The following GRM5 variants were observed in gnomAD, a reference collection of about 807,000 sequenced individuals.
The protein encoded by GRM5 is glutamate metabotropic receptor 5, also known as metabotropic glutamate receptor 5.
A neutral mutation model predicts 83.1 loss-of-function variants in GRM5; 19 were observed. The observed-to-expected ratio is 0.23, with a 90% CI of 0.16 to 0.34. The LOEUF is 0.34. GRM5 is among the 10% of genes least tolerant of loss of function. GRM5 has a pLI of 1.00. For synonymous variants in GRM5, 675 were observed against 633.6 expected (o/e 1.07, Z -0.98); for missense variants, 1,160 against 1,588.3 (o/e 0.73, Z 4.58).
chr11:88,841,430 T>G (rs1944199579), intron 3 of GRM5, among the ~76,000 whole-genome samples: 1 of 152,168 alleles, frequency 6.6e-6, no homozygotes, highest in African/African-American at 2.4e-5. Flanking sequence ...CTTTAATGAC[T>G]TTGCTTTTTC....
chr11:88,702,087 C>T (rs1241358693), intron 3 of GRM5, among the ~76,000 whole-genome samples: 5 of 152,028 alleles, frequency 3.3e-5, no homozygotes, highest in African/African-American at 1.2e-4. Flanking sequence ...AGGTTGTCTG[C>T]TGTCCCGTTA....
At chr11:88,770,394 C>T (rs1942709906) in intron 3 of GRM5, among the ~76,000 whole-genome samples, 1 of 151,974 alleles carries the variant, frequency 6.6e-6, no homozygotes, top group African/African-American at 2.4e-5. Context: ...ATATACTACA[C>T]TAATGTAATG....
chr11:88,548,824 G>A (rs1256813800), intron 8 of GRM5, among the ~76,000 whole-genome samples: 1 of 152,168 alleles, frequency 6.6e-6, no homozygotes, highest in Non-Finnish European at 1.5e-5. Context: ...TAAGGGAGGA[G>A]CTAAGACTTC....
chr11:88,947,506 T>G (rs1938318396), intron 2 of GRM5, among the ~76,000 whole-genome samples: 1 of 152,060 alleles, frequency 6.6e-6, no homozygotes, highest in South Asian at 2.1e-4. Context: ...AAACGTGTTC[T>G]TTTTACCATT....
At chr11:88,676,472 T>C (rs1940332924) in intron 3 of GRM5, among the ~76,000 whole-genome samples, 2 of 152,070 alleles carry the variant, frequency 1.3e-5, no homozygotes, top group South Asian at 4.1e-4. Flanking sequence ...AATATATTTA[T>C]ATTCCAGTGC....
chr11:88,581,429 G>A (rs1252494300), intron 7 of GRM5, among the ~76,000 whole-genome samples: 1 of 152,202 alleles, frequency 6.6e-6, no homozygotes, highest in Admixed American at 6.5e-5. Context: ...ATGAGTCACT[G>A]GTGGAGTGTG....
chr11:88,978,474 T>TA (rs200343438), intron 2 of GRM5, among the ~76,000 whole-genome samples: 1,144 of 97,596 alleles, frequency 0.012, 80 homozygotes, highest in Non-Finnish European at 0.018. Context: ...CAGATGAGCT[T>TA]AAAAAAAAAA....
At chr11:88,522,425 C>G (rs546345804) in intron 9 of GRM5, among the ~76,000 whole-genome samples, 1 of 152,000 alleles carries the variant, frequency 6.6e-6, no homozygotes, top group Non-Finnish European at 1.5e-5. Flanking sequence ...TATGTGTGTG[C>G]AGGCATGTGT....
chr11:88,748,269 T>G (rs1942185936), intron 3 of GRM5, among the ~76,000 whole-genome samples: 1 of 152,116 alleles, frequency 6.6e-6, no homozygotes, highest in Non-Finnish European at 1.5e-5. Context: ...ACTCCAGCCC[T>G]GGGATTCCTA....
chr11:88,836,102 C>G (rs1387463469), intron 3 of GRM5, among the ~76,000 whole-genome samples: 3 of 152,122 alleles, frequency 2.0e-5, no homozygotes, highest in African/African-American at 7.2e-5. Context: ...ATATTGAAAA[C>G]TTAATACTGC....
At chr11:88,753,872 C>T (rs944346911) in intron 3 of GRM5, among the ~76,000 whole-genome samples, 2 of 152,060 alleles carry the variant, frequency 1.3e-5, no homozygotes, top group Non-Finnish European at 2.9e-5. Context: ...CACATTGCAG[C>T]AGACAAGAAA....
intron 3 of GRM5, among the ~76,000 whole-genome samples, chr11:88,774,757 G>A (rs12361267): frequency 6.6e-6 from 1 of 152,118 alleles, no homozygotes; most frequent in Non-Finnish European, 1.5e-5. Flanking sequence ...TAGGTTTATT[G>A]CGTATGTTGA....
chr11:88,567,471 G>C lies in GRM5; in HGVS notation c.2212C>G (p.Leu738Val). 1 of 1,613,840 alleles carries C rather than the reference G, an allele frequency of 6.2e-7. No homozygotes were observed. The highest frequency in any genetic ancestry group is 8.5e-7 in the Non-Finnish European group (1 of 1,179,716). Residue 738 changes from leucine (L) to valine (V), a missense_variant, in exon 8 of 10, where the codon CTA becomes GTA. Coordinates refer to ENST00000305447, the MANE Select transcript of GRM5 (RefSeq NM_001143831.3). This position sits in a 1 kb window ranked among gnomAD's most constrained non-coding sequence, Gnocchi z 7.3. ...EVYLICNTTN[L>V]GVVTPLGYNG... is the part of the protein sequence containing the mutation. ...TATCCAAGTGGAGTGACAACTCCTA[G>C]GTTGGTGGTGTTACAGATCAGGTAG... is the stretch of plus-strand genomic sequence containing the variant.
chr11:88,667,229 G>T (rs1940068231), intron 3 of GRM5, among the ~76,000 whole-genome samples: 1 of 152,032 alleles, frequency 6.6e-6, no homozygotes, highest in Non-Finnish European at 1.5e-5. Flanking sequence ...CACAATTTTT[G>T]AATATAGAAA....
rs200564155 is a variant in GRM5 at position 88,850,091 on chromosome 11, G to A, written c.726C>T (p.Ile242=). ...KDMSAKEGIC[I]AHSYKIYSNA... ...TACTGTAGATTTTGTAAGAGTGGGC[G>A]ATGCAAATCCCTTCCTTCGCTGACA... Residue 242 remains isoleucine (I), a synonymous_variant, in exon 3 of 10, where the codon ATC becomes ATT. Transcript: ENST00000305447. 27 of 1,433,832 alleles carry A rather than the reference G, an allele frequency of 1.9e-5. No individual in the cohort carries two copies. Among genetic ancestry groups the A allele is most frequent in the Non-Finnish European group, 2.6e-5 (26 of 1,015,648 alleles). The allele number at this position is 1,433,832 out of a possible 1,614,324, so 88.8% of individuals were successfully genotyped here.
intron 1 of GRM5, among the ~76,000 whole-genome samples, chr11:89,050,981 A>AAAGATAAC (rs1941746177): frequency 6.6e-6 from 1 of 152,194 alleles, no homozygotes; most frequent in African/African-American, 2.4e-5. Context: ...GAGGATCAGG[A>AAAGATAAC]AAGATAACCG....
At chr11:88,617,416 T>C (rs1938513148) in intron 4 of GRM5, among the ~76,000 whole-genome samples, 3 of 152,128 alleles carry the variant, frequency 2.0e-5, no homozygotes, top group South Asian at 2.1e-4. Flanking sequence ...TGGACCTTTT[T>C]CCCCAATATC....
At chr11:88,589,475 G>C (rs1381218857) in intron 7 of GRM5, among the ~76,000 whole-genome samples, 2 of 152,124 alleles carry the variant, frequency 1.3e-5, no homozygotes, top group African/African-American at 4.8e-5. Context: ...AAGGTGAGCT[G>C]TCTTGAAAGA....
At chr11:88,942,358 A>T (rs1248360098) in intron 2 of GRM5, among the ~76,000 whole-genome samples, 1 of 152,046 alleles carries the variant, frequency 6.6e-6, no homozygotes, top group African/African-American at 2.4e-5. Context: ...ATATTGTACC[A>T]TTCTTTCAAC....
Sources: gnomAD v4.1 joint callset for allele counts (sites outside exome capture counted in the v4.1 genomes callset) on GRCh38, gnomAD v4.1.1 for gene constraint, Gnocchi (gnomAD v3.1) non-coding constraint, MANE v1.5 for transcripts, NCBI Gene and HGNC (gene_info 2026-07-23, HGNC 2026-07-21) for gene names.